The following SLC12A7 variants were observed in gnomAD, a reference collection of about 807,000 sequenced individuals.
SLC12A7 encodes solute carrier family 12 member 7.
Under a neutral mutation model 120.6 loss-of-function variants are expected in SLC12A7, and 100 were observed. The ratio of observed to expected loss-of-function variants is 0.83; its 90% CI spans 0.71 to 0.98. SLC12A7 has a LOEUF of 0.98. Ranked by LOEUF, SLC12A7 falls within the 50% of genes least tolerant of loss-of-function variation. The probability of loss-of-function intolerance (pLI) is 0.00; values close to 1 mark genes in which losing one functional copy is unlikely to be tolerated. For synonymous variants in SLC12A7, 760 were observed against 678.0 expected (o/e 1.12, Z -1.88); for missense variants, 1,373 against 1,548.1 (o/e 0.89, Z 1.90).
At chr5:1,124,597 G>A in the SLC12A7 span, among the ~76,000 whole-genome samples, 1,980 of 152,256 alleles carry the variant, frequency 0.013, 14 homozygotes, top group Non-Finnish European at 0.021. Flanking sequence ...ACGGACTGGC[G>A]GGGCAGGCGG....
At chr5:1,129,289 G>A in the SLC12A7 span, among the ~76,000 whole-genome samples, 1 of 152,158 alleles carries the variant, frequency 6.6e-6, no homozygotes, top group Non-Finnish European at 1.5e-5. Context: ...CTGGCTCCAA[G>A]TGAAAGTCGG....
intron 17 of SLC12A7, among the ~76,000 whole-genome samples, chr5:1,069,599 A>C (rs1335890340): frequency 6.6e-6 from 1 of 152,190 alleles, no homozygotes; most frequent in Admixed American, 6.5e-5. Context: ...GGGAAGGAGG[A>C]GGCTCGAGGC....
upstream of SLC12A7, among the ~76,000 whole-genome samples, chr5:1,115,924 TA>T (rs1197772084): frequency 4.9e-5 from 7 of 144,106 alleles, no homozygotes; most frequent in Admixed American, 4.7e-4. Flanking sequence ...AAGTGATTTT[TA>T]AAAAACAAAC....
chr5:1,090,651 G>C (rs187012443), intron 3 of SLC12A7, among the ~76,000 whole-genome samples: 1 of 152,200 alleles, frequency 6.6e-6, no homozygotes, highest in Non-Finnish European at 1.5e-5. Flanking sequence ...CGCAGGAGCC[G>C]ACAGGCAGAG....
intron 14 of SLC12A7, chr5:1,075,920 T>C (rs867585482): frequency 1.3e-5 from 7 of 540,598 alleles, no homozygotes; most frequent in South Asian, 8.5e-5. Context: ...GAGGCCTTCC[T>C]CAGGTGCAGT....
chr5:1,066,067 G>A (rs934000664), intron 17 of SLC12A7, among the ~76,000 whole-genome samples: 11 of 152,110 alleles, frequency 7.2e-5, no homozygotes, highest in Admixed American at 5.2e-4. Context: ...GTGCGTGGCC[G>A]AGGACCTGCC....
chr5:1,091,609 C>T (rs576164659), intron 3 of SLC12A7, among the ~76,000 whole-genome samples: 60 of 152,160 alleles, frequency 3.9e-4, no homozygotes, highest in Non-Finnish European at 6.5e-4. Context: ...GCCCAGCATG[C>T]GTGAAACCCC....
Position 1,076,627 on chromosome 5 carries a change from C to CA in SLC12A7, c.1748+66dup, listed in dbSNP as rs1738377191. 27 of 1,187,128 alleles carry CA rather than the reference C, an allele frequency of 2.3e-5. No homozygotes were observed. In the East Asian group the frequency reaches 6.6e-4, roughly 29 times the overall value. 73.5% of individuals were successfully genotyped at this position (1,187,128 alleles called of 1,614,324 possible). On this transcript the variant is annotated intron_variant, in intron 13 of 23. Coordinates refer to ENST00000264930, the MANE Select transcript of SLC12A7 (RefSeq NM_006598.3). ...ACTGCTTGTCCTGAGCAGGACCTCC[C>CA]ATCCACACTGCCCCACGCTCCAGGC...
At chr5:1,078,063 CA>C in intron 11 of SLC12A7, 56 bp from the exon 12 acceptor site, 1 of 1,507,476 alleles carries the variant, frequency 6.6e-7, no homozygotes, top group Non-Finnish European at 8.9e-7. Context: ...CTGAGTCAGA[CA>C]AAATGTCTTC....
At chr5:1,063,620 C>T (rs1462230279) in intron 20 of SLC12A7, among the ~76,000 whole-genome samples, 2 of 150,466 alleles carry the variant, frequency 1.3e-5, no homozygotes, top group Non-Finnish European at 3.0e-5. Context: ...CTCCTCCCCA[C>T]CTCCACCTCC....
Position 1,083,671 on chromosome 5 carries a change from G to A in SLC12A7, c.1129+74C>T, listed in dbSNP as rs189544283. The A allele has an allele frequency of 4.8e-4, 709 of 1,477,744 alleles. 4 individuals carry two copies. In the African/African-American group the frequency reaches 8.7e-3, roughly 18 times the overall value. The allele number at this position is 1,477,744 out of a possible 1,614,324, so 91.5% of individuals were successfully genotyped here. ...GGGGCCCTGAGAGTGACTCTAAGGC[G>A]AGAGCAGCCACCAGGGCCAGCGCCT... On this transcript the variant is annotated intron_variant, in intron 8 of 23. Transcript: ENST00000264930.
intron 1 of SLC12A7, among the ~76,000 whole-genome samples, chr5:1,108,838 TGGAGCA>T (rs1407264424): frequency 6.6e-6 from 1 of 151,974 alleles, no homozygotes; most frequent in African/African-American, 2.4e-5. Context: ...GGTAGGTAGT[TGGAGCA>T]GGAGGGACGG....
In SLC12A7 at chr5:1,063,883, G is replaced by A. The variant is rs7722287; in HGVS notation, c.2700C>T (p.Tyr900=). The A allele has an allele frequency of 0.44, 697,015 of 1,569,820 alleles. 163,058 individuals carry two copies. The highest frequency in any genetic ancestry group is 0.48 in the Non-Finnish European group (545,197 of 1,144,868). Residue 900 remains tyrosine (Y), a synonymous_variant, in exon 20 of 24, where the codon TAC becomes TAT. Coordinates refer to ENST00000264930, the MANE Select transcript of SLC12A7 (RefSeq NM_006598.3). ...QMKKDLQMFL[Y]HLRISAEVEV... ...CCACCTCGGCGCTGATGCGCAAGTG[G>A]TACAAGAACATCTGCAGGTCCTTCT...
chr5:1,077,828 C>T lies in SLC12A7; in HGVS notation c.1629+5G>A, dbSNP rs558264057. 3 of 1,579,036 alleles carry T rather than the reference C, an allele frequency of 1.9e-6. No individual in the cohort carries two copies. In the African/African-American group the frequency reaches 4.0e-5, roughly 21 times the overall value. ...GGGTCCCCCCGACGAGGGTGCGGGA[C>T]TCACCTGCAGGAAGGGGACGATGCC... On this transcript the variant is annotated splice_donor_5th_base_variant and intron_variant, in intron 12 of 23. Coordinates refer to ENST00000264930, the MANE Select transcript of SLC12A7 (RefSeq NM_006598.3).
chr5:1,151,215 T>C, the SLC12A7 span, among the ~76,000 whole-genome samples: 1 of 152,256 alleles, frequency 6.6e-6, no homozygotes, highest in South Asian at 2.1e-4. This position sits in a 1 kb window ranked among gnomAD's most constrained non-coding sequence, Gnocchi z 6.2. Flanking sequence ...GCCAGAGCAG[T>C]TTCCAAGGCT....
At chr5:1,062,478 G>A (rs1376746993) in intron 20 of SLC12A7, among the ~76,000 whole-genome samples, 3 of 152,212 alleles carry the variant, frequency 2.0e-5, no homozygotes, top group African/African-American at 4.8e-5. Flanking sequence ...CCAGCGTCAC[G>A]CAGGCCTGCA....
intron 5 of SLC12A7, 74 bp from the exon 6 acceptor site, chr5:1,087,107 C>G: frequency 1.3e-6 from 2 of 1,493,832 alleles, no homozygotes; most frequent in Non-Finnish European, 1.8e-6. Flanking sequence ...TCTGCGCTGC[C>G]ATTCACGGGC....
Position 1,081,694 on chromosome 5 carries a change from C to T in SLC12A7, c.1180G>A (p.Gly394Ser), listed in dbSNP as rs549456138. Residue 394 changes from glycine (G) to serine (S), a missense_variant, in exon 9 of 24, where the codon GGT (glycine) becomes AGT (serine). Gly to Ser is a moderately conservative substitution (Grantham distance 56). Coordinates refer to ENST00000264930, the MANE Select transcript of SLC12A7 (RefSeq NM_006598.3). ...AHAGAFVEKK[G>S]VPSVPVAEES... ...TCTGCCACGGGCACCGAGGGCACAC[C>T]TTTCTTCTCCACAAACGCCCCCGCG... The T allele has an allele frequency of 8.7e-6, 14 of 1,613,116 alleles. No homozygotes were observed. Among genetic ancestry groups the T allele is most frequent in the East Asian group, 6.7e-5 (3 of 44,872 alleles).
intron 17 of SLC12A7, among the ~76,000 whole-genome samples, chr5:1,067,619 C>T (rs930307060): frequency 6.6e-6 from 1 of 152,258 alleles, no homozygotes; most frequent in South Asian, 2.1e-4. Context: ...AGCCACGTCA[C>T]GGGGCCACTT....
Sources: gnomAD v4.1 joint callset for allele counts (sites outside exome capture counted in the v4.1 genomes callset) on GRCh38, gnomAD v4.1.1 for gene constraint, Gnocchi (gnomAD v3.1) non-coding constraint, MANE v1.5 for transcripts, NCBI Gene and HGNC (gene_info 2026-07-23, HGNC 2026-07-21) for gene names.